The following RFX3 variants were observed in gnomAD, a reference collection of about 807,000 sequenced individuals.
RFX3 encodes the protein regulatory factor X3.
RFX3 carries 14 observed loss-of-function variants against 98.6 expected under a neutral mutation model. The observed-to-expected ratio is 0.14, with a 90% CI of 0.09 to 0.22. RFX3 has a LOEUF of 0.22. Ranked by LOEUF, RFX3 falls within the 10% of genes least tolerant of loss-of-function variation. The probability of loss-of-function intolerance (pLI) is 1.00; values close to 1 mark genes in which losing one functional copy is unlikely to be tolerated. For synonymous variants in RFX3, 383 were observed against 328.4 expected (o/e 1.17, Z -1.80); for missense variants, 639 against 926.9 (o/e 0.69, Z 4.03).
intron 14 of RFX3, among the ~76,000 whole-genome samples, chr9:3,254,663 G>A (rs1042870872): frequency 2.0e-5 from 3 of 151,822 alleles, no homozygotes; most frequent in African/African-American, 4.8e-5. Context: ...TCAGCCTCCC[G>A]AGTAGCTGGG....
chr9:3,304,515 TC>T (rs1829047021), intron 4 of RFX3, among the ~76,000 whole-genome samples: 1 of 151,962 alleles, frequency 6.6e-6, no homozygotes, highest in African/African-American at 2.4e-5. Flanking sequence ...CACCCAAATC[TC>T]ATCTTGAATT....
chr9:3,252,136 T>G (rs1387760332), intron 14 of RFX3, among the ~76,000 whole-genome samples: 2 of 152,332 alleles, frequency 1.3e-5, no homozygotes, highest in South Asian at 2.1e-4. Flanking sequence ...TGAAATCATG[T>G]GAACAACTAA....
In RFX3 at chr9:3,346,719, C is replaced by G. The variant is rs200958644; in HGVS notation, c.163G>C (p.Ala55Pro). Residue 55 changes from alanine to proline, a missense_variant, in exon 3 of 17, where the codon GCT (alanine) becomes CCT (proline). This residue lies in a region of RFX3 where 210 missense variants were observed against 197.7 expected (regional missense o/e 1.06). Coordinates refer to ENST00000617270, the MANE Select transcript of RFX3 (RefSeq NM_001282116.2). The part of the protein sequence containing the change: ...TVQQVQHVYP[A>P]QVQYVEGSDT... ...CTTCCTTCCACATACTGCACCTGAG[C>G]GGGATAGACATGTTGTACCTGCTGC... 1.9e-6 allele frequency: 3 copies of G among 1,613,518 alleles called. No homozygotes were observed. The highest frequency in any genetic ancestry group is 2.5e-6 in the Non-Finnish European group (3 of 1,179,688).
At chr9:3,236,606 G>A (rs1349530920) in intron 15 of RFX3, among the ~76,000 whole-genome samples, 2 of 152,178 alleles carry the variant, frequency 1.3e-5, no homozygotes, top group East Asian at 3.9e-4. Flanking sequence ...GCAGAGGTGG[G>A]CAGTCAGAGG....
rs778523468 is a variant in RFX3 at position 3,271,011 on chromosome 9, G to A, written c.1194C>T (p.Thr398=). 2.4e-5 allele frequency: 39 copies of A among 1,613,440 alleles called. No individual in the cohort carries two copies. The highest frequency in any genetic ancestry group is 5.3e-5 in the African/African-American group (4 of 74,858). The change falls in exon 10 of 17, where the codon ACC becomes ACT. Residue 398 remains threonine, a synonymous_variant. Coordinates refer to ENST00000617270, the MANE Select transcript of RFX3 (RefSeq NM_001282116.2). The stretch of plus-strand genomic sequence containing the variant: ...AAGATGTTGATTCTGACCTCGATTC[G>A]GTAATGGTAGTGCCATCAGTTGGAG... ...PSTPTDGTTI[T]ESSNLSEIES...
At chr9:3,398,913 A>AT (rs1491464218) in intron 1 of RFX3, among the ~76,000 whole-genome samples, 6 of 126,990 alleles carry the variant, frequency 4.7e-5, no homozygotes, top group East Asian at 2.2e-4. Flanking sequence ...TTAGAGTATA[A>AT]TAAAAAAAAA....
intron 2 of RFX3, among the ~76,000 whole-genome samples, chr9:3,348,911 C>G (rs1259780876): frequency 1.3e-5 from 2 of 151,998 alleles, no homozygotes; most frequent in African/African-American, 4.8e-5. Flanking sequence ...TGTCATATTT[C>G]CTACTCAAGA....
At chr9:3,303,877 G>A (rs181426142) in intron 4 of RFX3, among the ~76,000 whole-genome samples, 7 of 151,922 alleles carry the variant, frequency 4.6e-5, no homozygotes, top group African/African-American at 1.7e-4. Flanking sequence ...TCAGAATTTC[G>A]GTTCTTCTTT....
chr9:3,248,882 G>A (rs1821020932), intron 14 of RFX3, among the ~76,000 whole-genome samples: 1 of 151,948 alleles, frequency 6.6e-6, no homozygotes, highest in Non-Finnish European at 1.5e-5. Context: ...GAAAATATAA[G>A]CAATATTTAT....
intron 1 of RFX3, among the ~76,000 whole-genome samples, chr9:3,492,877 C>T (rs921968043): frequency 1.3e-5 from 2 of 152,124 alleles, no homozygotes; most frequent in Non-Finnish European, 2.9e-5. Context: ...TGATATGCAA[C>T]ATTTAAGTAT....
chr9:3,509,048 C>T (rs530364686), intron 1 of RFX3, among the ~76,000 whole-genome samples: 42 of 151,864 alleles, frequency 2.8e-4, no homozygotes, highest in Non-Finnish European at 5.5e-4. Context: ...ATTCCTGCCA[C>T]AGTCCCATAC....
chr9:3,267,202 A>G (rs906526204), intron 11 of RFX3, among the ~76,000 whole-genome samples: 8 of 151,998 alleles, frequency 5.3e-5, no homozygotes, highest in African/African-American at 1.9e-4. Flanking sequence ...CCAAGGCTCC[A>G]TAGTAATGTA....
chr9:3,416,851 A>C (rs866480764), intron 1 of RFX3, among the ~76,000 whole-genome samples: 5 of 152,130 alleles, frequency 3.3e-5, no homozygotes, highest in Admixed American at 6.6e-5. Context: ...AAGAAACAAA[A>C]AATAAATGGC....
At chr9:3,238,821 C>G (rs1430174013) in intron 15 of RFX3, among the ~76,000 whole-genome samples, 1 of 152,048 alleles carries the variant, frequency 6.6e-6, no homozygotes, top group East Asian at 1.9e-4. Flanking sequence ...AACCCCGTCT[C>G]TACTAAAAAT....
Position 3,313,891 on chromosome 9 carries a change from G to A in RFX3, c.475-12271C>T, listed in dbSNP as rs1055998919. 7.2e-5 allele frequency among the ~76,000 whole-genome samples: 11 copies of A among 152,186 alleles called. No individual in the cohort carries two copies. In the East Asian group the frequency reaches 1.9e-3, roughly 27 times the overall value. On this transcript the variant is annotated intron_variant, in intron 4 of 16. Transcript: ENST00000617270. ...GACTATGTGAAAAGAGCAAATCTAC[G>A]TCTGATTGGTGTACCTGAAAGTGAT...
intron 7 of RFX3, among the ~76,000 whole-genome samples, chr9:3,284,315 G>A (rs1261716367): frequency 1.3e-5 from 2 of 151,468 alleles, no homozygotes; most frequent in African/African-American, 2.4e-5. Context: ...TTGAAGAGGT[G>A]GAAATTACTG....
intron 2 of RFX3, among the ~76,000 whole-genome samples, chr9:3,386,417 C>A (rs11787914): frequency 2.0e-3 from 309 of 152,064 alleles, no homozygotes; most frequent in Middle Eastern, 0.01. Context: ...ATATTTTTAG[C>A]TATAAATGAG....
At chr9:3,256,590 C>G (rs1822176806) in intron 14 of RFX3, among the ~76,000 whole-genome samples, 1 of 152,120 alleles carries the variant, frequency 6.6e-6, no homozygotes, top group Admixed American at 6.6e-5. Flanking sequence ...GGACCACATT[C>G]TGAACATCAC....
At chr9:3,322,852 C>A (rs967667816) in intron 4 of RFX3, among the ~76,000 whole-genome samples, 5 of 152,104 alleles carry the variant, frequency 3.3e-5, no homozygotes, top group African/African-American at 9.7e-5. Context: ...AAGTTCTGAC[C>A]TCTTTACCTC....
Sources: allele counts gnomAD v4.1 joint callset (sites outside exome capture counted in the v4.1 genomes callset), GRCh38; gene constraint gnomAD v4.1.1; regional missense constraint gnomAD v4.1.1; transcripts MANE v1.5; gene names NCBI Gene and HGNC (gene_info 2026-07-23, HGNC 2026-07-21).